The following MTUS1 variants were observed in gnomAD, a reference collection of about 807,000 sequenced individuals.
The protein encoded by MTUS1 is microtubule-associated tumor suppressor 1.
Under a neutral mutation model 120.8 loss-of-function variants are expected in MTUS1, and 109 were observed. The ratio of observed to expected loss-of-function variants is 0.90; its 90% CI spans 0.77 to 1.06. MTUS1 has a LOEUF of 1.06. MTUS1 is among the 50% of genes least tolerant of loss of function. The pLI is 0.00. For missense variants in MTUS1, 2,210 were observed against 1,486.3 expected (o/e 1.49, Z -8.01); for synonymous variants, 737 against 550.5 (o/e 1.34, Z -4.74).
chr8:17,749,153 G>A (rs897127081), intron 2 of MTUS1, among the ~76,000 whole-genome samples: 3 of 152,102 alleles, frequency 2.0e-5, no homozygotes, highest in East Asian at 3.9e-4. Flanking sequence ...AGGCACAGCT[G>A]ACCAGCATTA....
chr8:17,695,457 T>C (rs549415992), intron 6 of MTUS1, among the ~76,000 whole-genome samples: 1 of 152,322 alleles, frequency 6.6e-6, no homozygotes, highest in African/African-American at 2.4e-5. Flanking sequence ...ATGTGAACTC[T>C]AGCTCAAAAA....
intron 3 of MTUS1, 122 bp downstream of exon 3, chr8:17,743,482 C>T: frequency 1.1e-6 from 1 of 894,186 alleles, no homozygotes; most frequent in South Asian, 1.8e-5. Flanking sequence ...ACCTCCTGTG[C>T]TCAGGATGCT....
intron 6 of MTUS1, among the ~76,000 whole-genome samples, chr8:17,692,842 G>C (rs1243361082): frequency 6.6e-6 from 1 of 152,076 alleles, no homozygotes; most frequent in Non-Finnish European, 1.5e-5. Flanking sequence ...ATGTACCCCT[G>C]AACCTAAAAG....
At chr8:17,795,380 ATTTTC>A (rs769547249) in intron 1 of MTUS1, among the ~76,000 whole-genome samples, 2 of 152,300 alleles carry the variant, frequency 1.3e-5, no homozygotes, top group South Asian at 2.1e-4. Flanking sequence ...TTAAATACTA[ATTTTC>A]TTTTCTTCTG....
Position 17,645,821 on chromosome 8 carries a change from C to T in MTUS1, c.*105G>A, listed in dbSNP as rs1321008851. The T allele has an allele frequency of 7.0e-7, 1 of 1,432,990 alleles. No homozygotes were observed. The highest frequency in any genetic ancestry group is 2.6e-5 in the Admixed American group (1 of 38,602). 88.8% of individuals were successfully genotyped at this position (1,432,990 alleles called of 1,614,324 possible). On this transcript the variant is annotated 3_prime_UTR_variant, in exon 15 of 15. Transcript: ENST00000693296. ...GACGCTCCAGTTACCCTACGGTGAT[C>T]ACACGTGTGCTGATATACCTCTTGT...
At chr8:17,665,306 G>A (rs747878459) in intron 8 of MTUS1, among the ~76,000 whole-genome samples, 6 of 152,092 alleles carry the variant, frequency 3.9e-5, no homozygotes, top group Non-Finnish European at 7.4e-5. Flanking sequence ...TAAATTATTA[G>A]GAACTTGCTT....
At chr8:17,765,749 T>G (rs2131407998) in intron 1 of MTUS1, among the ~76,000 whole-genome samples, 1 of 151,704 alleles carries the variant, frequency 6.6e-6, no homozygotes, top group Middle Eastern at 3.4e-3. Context: ...GGTTTTATTT[T>G]TATTTCTTGG....
At chr8:17,781,259 T>G (rs759658260) in intron 1 of MTUS1, among the ~76,000 whole-genome samples, 1 of 152,222 alleles carries the variant, frequency 6.6e-6, no homozygotes, top group African/African-American at 2.4e-5. Context: ...AGATTTTGTC[T>G]GAATTTCCAA....
chr8:17,736,182 C>T (rs1182728771), intron 3 of MTUS1, among the ~76,000 whole-genome samples: 2 of 152,192 alleles, frequency 1.3e-5, no homozygotes, highest in Non-Finnish European at 2.9e-5. Context: ...GCAATCTTCT[C>T]CATAATTACT....
At chr8:17,756,637 C>A (rs910625389) in intron 1 of MTUS1, among the ~76,000 whole-genome samples, 1 of 149,618 alleles carries the variant, frequency 6.7e-6, no homozygotes, top group African/African-American at 2.5e-5. Flanking sequence ...CTAAACTGTT[C>A]CCCACCCCTC....
intron 6 of MTUS1, among the ~76,000 whole-genome samples, chr8:17,687,368 A>C (rs1337399565): frequency 6.6e-6 from 1 of 152,128 alleles, no homozygotes; most frequent in Non-Finnish European, 1.5e-5. Flanking sequence ...TCAAAACCCC[A>C]AGGCTCATCA....
At chr8:17,798,059 AAAG>A (rs1335542784) in intron 1 of MTUS1, among the ~76,000 whole-genome samples, 21 of 152,318 alleles carry the variant, frequency 1.4e-4, no homozygotes, top group African/African-American at 4.8e-4. Context: ...ATGACTATAA[AAAG>A]AAGAATCTGG....
intron 1 of MTUS1, among the ~76,000 whole-genome samples, chr8:17,764,891 G>A (rs1345035250): frequency 6.6e-6 from 1 of 152,156 alleles, no homozygotes; most frequent in East Asian, 1.9e-4. Context: ...ACCAGGAGGA[G>A]GGGGAGGATT....
intron 14 of MTUS1, 55 bp downstream of exon 14, chr8:17,646,927 C>G (rs140496359): frequency 2.3e-6 from 3 of 1,322,344 alleles, no homozygotes; most frequent in East Asian, 2.3e-5. Context: ...AGAAAGTACA[C>G]TGGATGTCCA....
At chr8:17,764,805 G>C (rs538918297) in intron 1 of MTUS1, among the ~76,000 whole-genome samples, 1 of 152,198 alleles carries the variant, frequency 6.6e-6, no homozygotes, top group Non-Finnish European at 1.5e-5. Flanking sequence ...CCCTGAACTA[G>C]TCTATGCCCT....
Position 17,676,000 on chromosome 8 carries a change from AT to A in MTUS1, c.2839-749del, listed in dbSNP as rs1195578510. On this transcript the variant is annotated intron_variant, in intron 7 of 14. Coordinates refer to ENST00000693296, the MANE Select transcript of MTUS1 (RefSeq NM_001363059.2). ...CACACATACTTACACAAATACAGTA[AT>A]TACATACAGTTCCTTAAAAGGTAGA... 3.8e-5 allele frequency: 18 copies of A among 473,382 alleles called. No homozygotes were observed. In the Admixed American group the frequency reaches 6.5e-4, roughly 17 times the overall value. The allele number at this position is 473,382 out of a possible 1,614,324, so 29.3% of individuals were successfully genotyped here. A position where few individuals can be genotyped will look rare whatever the true frequency, so the allele number is the denominator to read the frequency against.
intron 3 of MTUS1, among the ~76,000 whole-genome samples, chr8:17,733,301 A>C (rs1192153342): frequency 6.6e-6 from 1 of 152,038 alleles, no homozygotes; most frequent in Non-Finnish European, 1.5e-5. Context: ...CAGTGAGCCA[A>C]GATCATGCCA....
intron 4 of MTUS1, among the ~76,000 whole-genome samples, chr8:17,722,975 T>C (rs2045946563): frequency 6.6e-6 from 1 of 152,236 alleles, no homozygotes; most frequent in Non-Finnish European, 1.5e-5. Context: ...GAAAATACCT[T>C]CTTTTTCTCC....
intron 5 of MTUS1, 62 bp from the exon 6 acceptor site, chr8:17,713,314 A>T: frequency 2.1e-6 from 2 of 944,122 alleles, no homozygotes; most frequent in South Asian, 3.0e-5. Context: ...CATAAAAACA[A>T]ACCATGTTGA....
Sources: gnomAD v4.1 joint callset for allele counts (sites outside exome capture counted in the v4.1 genomes callset) on GRCh38, gnomAD v4.1.1 for gene constraint, MANE v1.5 for transcripts, NCBI Gene and HGNC (gene_info 2026-07-23, HGNC 2026-07-21) for gene names.